Variants in DNAH5 observed in about 807,000 individuals in gnomAD.
DNAH5 encodes axonemal beta dynein heavy chain 5.
Under a neutral mutation model 518.2 loss-of-function variants are expected in DNAH5, and 372 were observed. The ratio of observed to expected loss-of-function variants is 0.72; its 90% CI spans 0.66 to 0.78. DNAH5 has a LOEUF of 0.78. DNAH5 is among the 30% of genes least tolerant of loss of function. The probability of loss-of-function intolerance (pLI) is 0.00; values close to 1 mark genes in which losing one functional copy is unlikely to be tolerated. For missense variants in DNAH5, 5,523 were observed against 5,687.0 expected (o/e 0.97, Z 0.93); for synonymous variants, 2,039 against 2,025.9 (o/e 1.01, Z -0.17).
intron 70 of DNAH5, among the ~76,000 whole-genome samples, chr5:13,723,110 G>T (rs1745276889): frequency 1.3e-5 from 2 of 152,208 alleles, no homozygotes; most frequent in African/African-American, 2.4e-5. Flanking sequence ...GGCACAGGAT[G>T]CTATTTATTT....
At chr5:13,830,314 C>T (rs1763475756) in intron 36 of DNAH5, 101 bp from the exon 37 acceptor site, 1 of 1,156,434 alleles carries the variant, frequency 8.6e-7, no homozygotes, top group Non-Finnish European at 1.3e-6. Context: ...GATGTAAGTT[C>T]ATTCAAAAGT....
At chr5:13,816,158 G>A (rs1294620233) in intron 42 of DNAH5, among the ~76,000 whole-genome samples, 1 of 152,198 alleles carries the variant, frequency 6.6e-6, no homozygotes, top group Non-Finnish European at 1.5e-5. Flanking sequence ...CAAGCTGGAG[G>A]TCAGGGGTGT....
At chr5:13,898,703 G>A in intron 15 of DNAH5, 2 of 398,180 alleles carry the variant, frequency 5.0e-6, no homozygotes, top group Non-Finnish European at 8.9e-6. Context: ...ATGAAATAAT[G>A]AGCATGAAAA....
At chr5:13,965,748 T>A (rs1400256435) in intron 1 of DNAH5, among the ~76,000 whole-genome samples, 1 of 152,188 alleles carries the variant, frequency 6.6e-6, no homozygotes, top group East Asian at 1.9e-4. Context: ...AATACTAGAT[T>A]TTTACATATT....
At position 13,690,959 on chromosome 5, in the gene DNAH5, T is replaced by C. The variant is rs1380422803; in HGVS notation, c.*1025A>G. On this transcript the variant is annotated 3_prime_UTR_variant, in exon 79 of 79. Coordinates refer to ENST00000265104, the MANE Select transcript of DNAH5 (RefSeq NM_001369.3). Reference sequence around the variant, plus strand: ...TCTAATCTTTGTCCACATGCAAATATATTTGCTGTTATAATCACAGTGTGC... The same window carrying C: ...TCTAATCTTTGTCCACATGCAAATACATTTGCTGTTATAATCACAGTGTGC... 3 of 152,318 alleles carry C rather than the reference T, an allele frequency of 2.0e-5. No homozygotes were observed. The highest frequency in any genetic ancestry group is 6.5e-5 in the Admixed American group (1 of 15,302). The allele number at this position is 152,318 out of a possible 1,614,324, so 9.4% of individuals were successfully genotyped here. A position where few individuals can be genotyped will look rare whatever the true frequency, so the allele number is the denominator to read the frequency against.
chr5:13,784,208 G>A (rs74901499), intron 52 of DNAH5, among the ~76,000 whole-genome samples: 285 of 152,264 alleles, frequency 1.9e-3, no homozygotes, highest in African/African-American at 6.4e-3. Context: ...CCAGCAGGCA[G>A]GCTATTTGTC....
intron 68 of DNAH5, among the ~76,000 whole-genome samples, chr5:13,732,234 TCAC>T (rs966839218): frequency 6.6e-6 from 1 of 152,172 alleles, no homozygotes; most frequent in African/African-American, 2.4e-5. Context: ...AATTTATTTA[TCAC>T]AGTTCTGGAA....
intron 31 of DNAH5, among the ~76,000 whole-genome samples, chr5:13,845,832 C>CTT (rs557275110): frequency 7.6e-4 from 84 of 110,640 alleles, no homozygotes; most frequent in East Asian, 3.0e-3. Flanking sequence ...CTTTTTTGAC[C>CTT]TTTTTTTTTT....
rs752077073 is a variant in DNAH5, at chr5:13,830,058, T to C, written c.6217A>G (p.Met2073Val). Residue 2073 changes from methionine to valine, a missense_variant, in exon 37 of 79, where the codon ATG (methionine) becomes GTG (valine). Coordinates refer to ENST00000265104, the MANE Select transcript of DNAH5 (RefSeq NM_001369.3). Reference sequence around the variant, plus strand: ...AAGAAAAGCCCAAATTCAGGGTTCATAGTCACATTATCTCCATCAGTAAAG... The same window carrying C: ...AAGAAAAGCCCAAATTCAGGGTTCACAGTCACATTATCTCCATCAGTAAAG... ...FIFTDGDNVTMNPEFGLFLTM... is the reference protein window; with the variant it reads ...FIFTDGDNVTVNPEFGLFLTM... 65 of 1,614,014 alleles carry C rather than the reference T, an allele frequency of 4.0e-5. No homozygotes were observed. The highest frequency in any genetic ancestry group is 4.8e-5 in the Non-Finnish European group (57 of 1,180,018).
rs773867466 is a variant in DNAH5 at position 13,777,343 on chromosome 5, T to C, written c.8964A>G (p.Thr2988=). The C allele has an allele frequency of 6.2e-7, 1 of 1,613,202 alleles. No homozygotes were observed. Among genetic ancestry groups the C allele is most frequent in the Admixed American group, 1.7e-5 (1 of 59,956 alleles). ...CCTTCAGATCTTCCATCAGATTTGATGTGTTGTAGGATCTAAAGAAATATT... is the reference window on the plus strand; with the variant it reads ...CCTTCAGATCTTCCATCAGATTTGACGTGTTGTAGGATCTAAAGAAATATT... ...FQITLTRSYN[T]SNLMEDLKVL... is the part of the protein sequence containing the mutation. The change falls in exon 54 of 79, where the codon ACA becomes ACG. Residue 2988 remains threonine, a synonymous_variant. Transcript: ENST00000265104.
chr5:13,923,358 A>G lies in DNAH5; in HGVS notation c.360T>C (p.Asp120=), dbSNP rs368412855. 9.2e-5 allele frequency: 148 copies of G among 1,614,200 alleles called. 1 individual carries two copies. The East Asian group carries it at 2.0e-3, about 21-fold the overall frequency. ...ACACACATACCCCAGTAAGAGCCAC[A>G]TCGTTTCCCTCGGTCACGAACACCT... ...KPKVFVTEGN[D]VALTGVCVFF... is the part of the protein sequence containing the mutation. Residue 120 remains aspartate, a synonymous_variant, in exon 4 of 79, where the codon GAT becomes GAC. Coordinates refer to ENST00000265104, the MANE Select transcript of DNAH5 (RefSeq NM_001369.3).
intron 45 of DNAH5, 48 bp from the exon 46 acceptor site, chr5:13,809,234 C>A (rs762235010): frequency 1.2e-6 from 2 of 1,608,566 alleles, no homozygotes; most frequent in Non-Finnish European, 1.7e-6. Flanking sequence ...TAATTCAACT[C>A]CGAACTGTAA....
At position 14,009,225 on chromosome 5, in the gene DNAH5, G is replaced by A. The variant is rs149128160; in HGVS notation, c.12+2423C>T. Among the ~76,000 whole-genome samples the A allele has an allele frequency of 3.2e-4, 48 of 152,312 alleles. 1 individual carries two copies. Among genetic ancestry groups the A allele is most frequent in the Non-Finnish European group, 5.7e-4 (39 of 68,036 alleles). ...AGCCGCTCTGGTGAGTGCCAGGAAA[G>A]AGCTTAGCGTGACTAAAGGAGAAAA... On this transcript the variant is annotated intron_variant, in intron 1 of 78. Transcript: ENST00000681290.
At chr5:13,904,266 A>G (rs1262467023) in intron 12 of DNAH5, among the ~76,000 whole-genome samples, 4 of 150,916 alleles carry the variant, frequency 2.7e-5, no homozygotes, top group African/African-American at 9.7e-5. Context: ...AAAAACAACA[A>G]TCAATGTAAA....
chr5:13,828,621 T>C (rs1402479623), intron 38 of DNAH5, among the ~76,000 whole-genome samples: 1 of 152,242 alleles, frequency 6.6e-6, no homozygotes, highest in East Asian at 1.9e-4. Context: ...ACCACTTTCC[T>C]TGCTGACTTT....
intron 42 of DNAH5, among the ~76,000 whole-genome samples, chr5:13,815,648 C>T (rs1183118161): frequency 6.6e-6 from 1 of 152,032 alleles, no homozygotes; most frequent in Non-Finnish European, 1.5e-5. Context: ...AAGGTGATCA[C>T]GTTCCAGGAA....
Position 13,810,356 on chromosome 5 carries a change from A to G in DNAH5, c.7408-96T>C, listed in dbSNP as rs1378416566. On this transcript the variant is annotated intron_variant, in intron 44 of 78. Transcript: ENST00000265104. ...GGAACAGTAAACATAGAAACAAGAC[A>G]CTAGTTGCCCTCCAAGAACAAGGGA... 4.8e-6 allele frequency: 5 copies of G among 1,047,978 alleles called. No homozygotes were observed. The African/African-American group carries it at 6.3e-5, about 13-fold the overall frequency. 64.9% of individuals were successfully genotyped at this position (1,047,978 alleles called of 1,614,324 possible).
At chr5:13,861,472 C>A (rs376374563) in intron 29 of DNAH5, among the ~76,000 whole-genome samples, 18 of 152,074 alleles carry the variant, frequency 1.2e-4, no homozygotes, top group African/African-American at 4.3e-4. Context: ...AATAGAACAA[C>A]AAATTCATAT....
chr5:13,821,206 G>T (rs28758509), intron 40 of DNAH5, among the ~76,000 whole-genome samples: 62,782 of 151,914 alleles, frequency 0.41, 13,290 homozygotes, highest in East Asian at 0.61. Flanking sequence ...ATAAATATTC[G>T]ATTGAATGAA....
Sources: gnomAD v4.1 joint callset for allele counts (sites outside exome capture counted in the v4.1 genomes callset) on GRCh38, gnomAD v4.1.1 for gene constraint, MANE v1.5 for transcripts, NCBI Gene and HGNC (gene_info 2026-07-23, HGNC 2026-07-21) for gene names.